Variants in PCGF3 observed in about 807,000 individuals in gnomAD.
PCGF3 encodes polycomb group ring finger 3.
PCGF3 carries 7 observed loss-of-function variants against 33.1 expected under a neutral mutation model. The observed-to-expected ratio is 0.21, with a 90% CI of 0.12 to 0.40. The LOEUF is 0.40. Among genes scored for constraint, PCGF3 ranks in the 10% least tolerant of loss-of-function variants. The pLI, the probability that PCGF3 is intolerant of heterozygous loss-of-function variation, is 1.00. For missense variants in PCGF3, 211 were observed against 313.3 expected (o/e 0.67, Z 2.46); for synonymous variants, 153 against 121.3 (o/e 1.26, Z -1.72).
intron 3 of PCGF3, among the ~76,000 whole-genome samples, chr4:731,513 C>T (rs1162552551): frequency 6.6e-6 from 1 of 151,230 alleles, no homozygotes; most frequent in East Asian, 2.0e-4. Context: ...GCTCTGTCCC[C>T]TCGTGGGTGG....
chr4:716,033 A>C (rs868733958), intron 1 of PCGF3, among the ~76,000 whole-genome samples: 35 of 131,976 alleles, frequency 2.7e-4, no homozygotes, highest in South Asian at 1.4e-3. Flanking sequence ...TGAGTGTGAG[A>C]ACTGGGCGTC....
At chr4:751,845 G>A (rs919336249) in intron 8 of PCGF3, among the ~76,000 whole-genome samples, 5 of 152,046 alleles carry the variant, frequency 3.3e-5, no homozygotes, top group Admixed American at 2.6e-4. Context: ...CGGCCGCGCT[G>A]GCTTCACAGC....
chr4:759,867 G>A (rs35954052), intron 8 of PCGF3, among the ~76,000 whole-genome samples: 2 of 30,348 alleles, frequency 6.6e-5, no homozygotes. Context: ...CTCCCGAGTT[G>A]TTCTCCTTCC....
intron 1 of PCGF3, among the ~76,000 whole-genome samples, chr4:707,221 G>A (rs1028830300): frequency 2.0e-5 from 3 of 151,880 alleles, no homozygotes; most frequent in South Asian, 2.1e-4. Context: ...CAGGGCCCGG[G>A]GGGGCTAGGA....
intron 1 of PCGF3, among the ~76,000 whole-genome samples, chr4:714,764 G>T (rs1023044058): frequency 1.3e-5 from 2 of 152,242 alleles, no homozygotes; most frequent in Non-Finnish European, 2.9e-5. Flanking sequence ...GGAGAAAGCT[G>T]CCCTGGAGGG....
intron 6 of PCGF3, among the ~76,000 whole-genome samples, chr4:738,844 G>A (rs1390897012): frequency 1.3e-5 from 2 of 149,246 alleles, no homozygotes; most frequent in African/African-American, 2.4e-5. Flanking sequence ...GGGCGACAGA[G>A]CAAGACTCCG....
At chr4:718,085 G>T (rs573176281) in intron 1 of PCGF3, among the ~76,000 whole-genome samples, 1 of 152,316 alleles carries the variant, frequency 6.6e-6, no homozygotes, top group South Asian at 2.1e-4. Flanking sequence ...AGGTGGCTCA[G>T]AGGTGTCTGG....
rs543154363 is a variant in PCGF3, at chr4:753,294, C to T, written c.463-7985C>T. Among the ~76,000 whole-genome samples the T allele has an allele frequency of 1.2e-4, 18 of 152,336 alleles. No individual in the cohort carries two copies. The South Asian group carries it at 3.7e-3, about 32-fold the overall frequency. ...GACCTCTTGGGCTCAAGTGCTTCTC[C>T]CAACTCAGCCTCCCGAGTAGGGACC... is the stretch of plus-strand genomic sequence containing the variant. On this transcript the variant is annotated intron_variant, in intron 8 of 10. Transcript: ENST00000362003.
At chr4:719,055 A>G (rs992613761) in intron 1 of PCGF3, among the ~76,000 whole-genome samples, 1 of 152,036 alleles carries the variant, frequency 6.6e-6, no homozygotes, top group South Asian at 2.1e-4. Context: ...TACAGGTTCA[A>G]GCATTTCTCC....
At chr4:760,537 T>TGG (rs1257998592) in intron 8 of PCGF3, among the ~76,000 whole-genome samples, 1 of 152,248 alleles carries the variant, frequency 6.6e-6, no homozygotes, top group Non-Finnish European at 1.5e-5. Flanking sequence ...TTTTGTATCT[T>TGG]TTGTAATTTT....
At chr4:751,942 T>C (rs1699866720) in intron 8 of PCGF3, among the ~76,000 whole-genome samples, 1 of 152,250 alleles carries the variant, frequency 6.6e-6, no homozygotes. Context: ...ACAGGCCTCC[T>C]GGGACTGGTG....
At chr4:764,810 C>T (rs1392135243) in intron 9 of PCGF3, 174 bp from the exon 10 acceptor site, 2 of 587,140 alleles carry the variant, frequency 3.4e-6, no homozygotes, top group Non-Finnish European at 6.2e-6. Flanking sequence ...CACTCCATCT[C>T]TAGGCTGTGA....
intron 9 of PCGF3, 69 bp from the exon 10 acceptor site, chr4:764,915 C>A: frequency 9.8e-7 from 1 of 1,021,058 alleles, no homozygotes; most frequent in Non-Finnish European, 1.5e-6. Flanking sequence ...TTCATACCAG[C>A]ATCAAGGTGG....
At chr4:758,646 T>C (rs113377921) in intron 8 of PCGF3, among the ~76,000 whole-genome samples, 86 of 81,444 alleles carry the variant, frequency 1.1e-3, no homozygotes, top group South Asian at 4.2e-3. Context: ...CTCTCCCGAG[T>C]TCTTCTCCTT....
At chr4:741,255 TCTC>T (rs1744077410) in intron 6 of PCGF3, among the ~76,000 whole-genome samples, 1 of 152,220 alleles carries the variant, frequency 6.6e-6, no homozygotes, top group African/African-American at 2.4e-5. Context: ...CAGAATTTCT[TCTC>T]AGAAGTGAAA....
chr4:738,300 C>CTGTT (rs1006405966), intron 6 of PCGF3, among the ~76,000 whole-genome samples: 4 of 152,264 alleles, frequency 2.6e-5, no homozygotes, highest in Non-Finnish European at 4.4e-5. Flanking sequence ...GAGAATCATA[C>CTGTT]TGTTAGAGGC....
intron 8 of PCGF3, among the ~76,000 whole-genome samples, chr4:753,380 T>C (rs1577434464): frequency 6.6e-6 from 1 of 151,452 alleles, no homozygotes; most frequent in African/African-American, 2.4e-5. Flanking sequence ...CTTGGCCGGG[T>C]GCGGTGGCTC....
Position 743,457 on chromosome 4 carries a change from GTGT to G in PCGF3, c.263-14_263-12del. 1 of 1,474,286 alleles carries G rather than the reference GTGT, an allele frequency of 6.8e-7. No homozygotes were observed. Among genetic ancestry groups the G allele is most frequent in the Non-Finnish European group, 9.5e-7 (1 of 1,052,600 alleles). The allele number at this position is 1,474,286 out of a possible 1,614,324, so 91.3% of individuals were successfully genotyped here. On this transcript the variant is annotated splice_polypyrimidine_tract_variant and intron_variant, in intron 6 of 10. Coordinates refer to ENST00000362003, the Ensembl canonical transcript of PCGF3. ...CACTGCCTGTGAGATGAAAGACTGT[GTGT>G]TGATTTTCCGCAGCGGAAATGAGAA...
At chr4:752,779 G>A (rs376585225) in intron 8 of PCGF3, among the ~76,000 whole-genome samples, 1 of 152,256 alleles carries the variant, frequency 6.6e-6, no homozygotes, top group African/African-American at 2.4e-5. Flanking sequence ...GGGCCTGCGC[G>A]TGGCTGTGAC....
Sources: allele counts gnomAD v4.1 joint callset (sites outside exome capture counted in the v4.1 genomes callset), GRCh38; gene constraint gnomAD v4.1.1; transcripts MANE v1.5; gene names NCBI Gene and HGNC (gene_info 2026-07-23, HGNC 2026-07-21).